MLLT10: variants seen among roughly 807,000 people sequenced by gnomAD.
MLLT10 encodes the protein protein AF-10.
MLLT10 carries 30 observed loss-of-function variants against 129.1 expected under a neutral mutation model. The ratio of observed to expected loss-of-function variants is 0.23; its 90% CI spans 0.17 to 0.32. MLLT10 has a LOEUF of 0.32. Among genes scored for constraint, MLLT10 ranks in the 10% least tolerant of loss-of-function variants. MLLT10 has a pLI of 1.00. For missense variants in MLLT10, 1,119 were observed against 1,268.3 expected (o/e 0.88, Z 1.79); for synonymous variants, 490 against 446.4 (o/e 1.10, Z -1.23).
At chr10:21,668,998 G>C (rs1399301737) in intron 9 of MLLT10, 1 of 1,377,148 alleles carries the variant, frequency 7.3e-7, no homozygotes, top group East Asian at 3.4e-5. Context: ...GAAAAATGAG[G>C]TGGGGTGGTT....
At chr10:21,558,811 T>G (rs2130988683) in intron 3 of MLLT10, among the ~76,000 whole-genome samples, 1 of 152,358 alleles carries the variant, frequency 6.6e-6, no homozygotes, top group Non-Finnish European at 1.5e-5. Context: ...TATGCATTTC[T>G]TTCTGAACTT....
intron 5 of MLLT10, among the ~76,000 whole-genome samples, chr10:21,610,984 C>CTTTTTTTTTTTTTTTT (rs71393913): frequency 2.3e-4 from 24 of 102,882 alleles, no homozygotes; most frequent in South Asian, 3.6e-4. Flanking sequence ...TCTTTTTTCT[C>CTTTTTTTTTTTTTTTT]TTTTTTTTTT....
chr10:21,613,110 C>A (rs11012754), intron 6 of MLLT10, among the ~76,000 whole-genome samples: 5 of 145,272 alleles, frequency 3.4e-5, no homozygotes, highest in African/African-American at 1.3e-4. Flanking sequence ...AAGAGAATCG[C>A]TTAAACCTGG....
intron 13 of MLLT10, 66 bp from the exon 14 acceptor site, chr10:21,713,706 G>T: frequency 7.1e-7 from 1 of 1,411,944 alleles, no homozygotes; most frequent in South Asian, 1.3e-5. Context: ...CAAGTTTACT[G>T]ATTATGTGTG....
chr10:21,610,618 C>CT (rs76661876), intron 5 of MLLT10, among the ~76,000 whole-genome samples: 118 of 138,088 alleles, frequency 8.5e-4, no homozygotes, highest in East Asian at 1.3e-3. Context: ...CACCCCCCTT[C>CT]TTTTTTTTTT....
chr10:21,543,992 G>A (rs903273126), intron 3 of MLLT10, among the ~76,000 whole-genome samples: 1 of 152,154 alleles, frequency 6.6e-6, no homozygotes, highest in Non-Finnish European at 1.5e-5. Flanking sequence ...TGTGCTACTT[G>A]TTCCAAAATG....
chr10:21,667,600 CAA>C (rs1479716341), intron 9 of MLLT10, among the ~76,000 whole-genome samples: 3 of 151,622 alleles, frequency 2.0e-5, no homozygotes, highest in East Asian at 3.9e-4. Context: ...TGGCTTGGTA[CAA>C]AGTTTGTGGT....
chr10:21,725,824 C>T (rs982088278), intron 14 of MLLT10, among the ~76,000 whole-genome samples: 2 of 149,850 alleles, frequency 1.3e-5, no homozygotes, highest in African/African-American at 2.5e-5. Context: ...GATCTCCTCT[C>T]ACTGCAAGCT....
intron 9 of MLLT10, chr10:21,669,177 A>C (rs2051137429): frequency 1.1e-6 from 1 of 886,378 alleles, no homozygotes. Context: ...AGAATAGTGG[A>C]GTACTTTGTT....
intron 2 of MLLT10, among the ~76,000 whole-genome samples, chr10:21,537,429 C>T (rs974088907): frequency 1.1e-4 from 17 of 152,060 alleles, no homozygotes; most frequent in Non-Finnish European, 2.2e-4. Context: ...TCCTGAGTAG[C>T]TGGGACTACA....
intron 9 of MLLT10, among the ~76,000 whole-genome samples, chr10:21,670,031 C>G (rs2051229255): frequency 6.6e-6 from 1 of 151,960 alleles, no homozygotes; most frequent in Non-Finnish European, 1.5e-5. Flanking sequence ...TTTGTAGCAC[C>G]TTAGTTCCCT....
intron 13 of MLLT10, chr10:21,688,453 G>A (rs1378150197): frequency 6.4e-7 from 1 of 1,570,250 alleles, no homozygotes; most frequent in Non-Finnish European, 8.7e-7. Flanking sequence ...AGGAAGTGGT[G>A]ATTAAAAATC....
rs540009506 is a variant in MLLT10 at position 21,601,049 on chromosome 10, T to G, written c.405+5609T>G. ...GCTTCTACTTCCCAGCCTCAAGCAA[T>G]CCTCCCATCTCAGTCTCCTGAGTAG... On this transcript the variant is annotated intron_variant, in intron 5 of 22. Transcript: ENST00000307729. 1.1e-4 allele frequency among the ~76,000 whole-genome samples: 16 copies of G among 152,228 alleles called. No individual in the cohort carries two copies. In the South Asian group the frequency reaches 3.3e-3, roughly 32 times the overall value.
At chr10:21,595,919 T>C (rs1180681407) in intron 5 of MLLT10, among the ~76,000 whole-genome samples, 1 of 152,080 alleles carries the variant, frequency 6.6e-6, no homozygotes, top group Non-Finnish European at 1.5e-5. Context: ...AAAAAAAGTT[T>C]GCTTTTTTCC....
chr10:21,690,480 A>G (rs1267377188), intron 13 of MLLT10, among the ~76,000 whole-genome samples: 4 of 152,162 alleles, frequency 2.6e-5, no homozygotes, highest in Non-Finnish European at 5.9e-5. Flanking sequence ...ATGTGTTTAC[A>G]AAAGCGTTTT....
chr10:21,689,409 G>A (rs962355631), intron 13 of MLLT10, among the ~76,000 whole-genome samples: 7 of 151,410 alleles, frequency 4.6e-5, no homozygotes, highest in South Asian at 2.1e-4. Context: ...ATAATGTAAC[G>A]TTTGACCTGA....
intron 21 of MLLT10, among the ~76,000 whole-genome samples, chr10:21,739,279 TG>T (rs1371964926): frequency 2.6e-5 from 4 of 152,216 alleles, no homozygotes; most frequent in African/African-American, 9.6e-5. Context: ...TGGATCCTGC[TG>T]GGCCTGCTCC....
intron 8 of MLLT10, 102 bp from the exon 9 acceptor site, chr10:21,651,571 G>T: frequency 1.4e-6 from 1 of 702,214 alleles, no homozygotes; most frequent in Non-Finnish European, 2.4e-6. Context: ...TTTGACAGAA[G>T]TATTTGTTAA....
intron 5 of MLLT10, among the ~76,000 whole-genome samples, chr10:21,604,119 C>T (rs76598676): frequency 3.7e-3 from 563 of 152,200 alleles, no homozygotes; most frequent in Non-Finnish European, 6.6e-3. Context: ...ATGTTCTTTC[C>T]ACATACAAAA....
Sources: allele counts gnomAD v4.1 joint callset (sites outside exome capture counted in the v4.1 genomes callset), GRCh38; gene constraint gnomAD v4.1.1; transcripts MANE v1.5; gene names NCBI Gene and HGNC (gene_info 2026-07-23, HGNC 2026-07-21).